CNTNAP2: variants seen among roughly 807,000 people sequenced by gnomAD.
The protein encoded by CNTNAP2 is contactin-associated protein-like 2.
Under a neutral mutation model 155.2 loss-of-function variants are expected in CNTNAP2, and 98 were observed. The observed-to-expected ratio is 0.63, with a 90% CI of 0.54 to 0.75. The LOEUF is 0.75. CNTNAP2 is among the 30% of genes least tolerant of loss of function. The pLI, the probability that CNTNAP2 is intolerant of heterozygous loss-of-function variation, is 0.00. For missense variants in CNTNAP2, 1,727 were observed against 1,688.1 expected (o/e 1.02, Z -0.40); for synonymous variants, 651 against 631.2 (o/e 1.03, Z -0.47).
At chr7:146,245,407 G>A (rs1384280005) in intron 1 of CNTNAP2, among the ~76,000 whole-genome samples, 4 of 152,166 alleles carry the variant, frequency 2.6e-5, no homozygotes, top group African/African-American at 9.7e-5. Flanking sequence ...AATGTAGAGA[G>A]TAAGTTGAGC....
At chr7:147,241,577 G>A (rs556360187) in intron 8 of CNTNAP2, among the ~76,000 whole-genome samples, 20 of 148,718 alleles carry the variant, frequency 1.3e-4, no homozygotes, top group Non-Finnish European at 2.7e-4. Context: ...GAAGTGAGCC[G>A]AGATCGTGCC....
chr7:147,242,359 C>T (rs1803957372), intron 8 of CNTNAP2, among the ~76,000 whole-genome samples: 1 of 152,186 alleles, frequency 6.6e-6, no homozygotes, highest in Admixed American at 6.5e-5. Flanking sequence ...AATATCATTG[C>T]TGTAGTCCAT....
At chr7:147,690,972 G>A (rs2116991625) in intron 13 of CNTNAP2, among the ~76,000 whole-genome samples, 1 of 152,138 alleles carries the variant, frequency 6.6e-6, no homozygotes, top group Middle Eastern at 3.4e-3. Flanking sequence ...ATATAGCGGT[G>A]AACTTGTGAC....
chr7:146,580,590 C>T (rs1798597401), intron 1 of CNTNAP2, among the ~76,000 whole-genome samples: 1 of 151,936 alleles, frequency 6.6e-6, no homozygotes, highest in Non-Finnish European at 1.5e-5. Context: ...TATTTTCTGC[C>T]TATTTCATTA....
intron 8 of CNTNAP2, among the ~76,000 whole-genome samples, chr7:147,238,941 G>A (rs1255285485): frequency 2.0e-5 from 3 of 152,096 alleles, no homozygotes; most frequent in Admixed American, 1.3e-4. Context: ...TCTTGCCCTA[G>A]GGTAGACCAC....
In CNTNAP2 at chr7:146,375,069, T is replaced by C. The variant is rs578131809; in HGVS notation, c.97+258096T>C. Among the ~76,000 whole-genome samples, 6 of 152,262 alleles carry C rather than the reference T, an allele frequency of 3.9e-5. No individual in the cohort carries two copies. The East Asian group carries it at 1.2e-3, about 29-fold the overall frequency. ...TGCCTTTGAAAGATACACTGGAAAA[T>C]TTATTTTTAAAACTTCACTTGTGTT... On this transcript the variant is annotated intron_variant, in intron 1 of 23. Coordinates refer to ENST00000361727, the MANE Select transcript of CNTNAP2 (RefSeq NM_014141.6).
chr7:148,015,417 C>A (rs1475212091), intron 15 of CNTNAP2, among the ~76,000 whole-genome samples: 1 of 152,152 alleles, frequency 6.6e-6, no homozygotes, highest in East Asian at 1.9e-4. Flanking sequence ...GTGGGCTCTG[C>A]TCCTAAATCC....
chr7:147,851,192 C>A (rs1361008041), intron 13 of CNTNAP2, among the ~76,000 whole-genome samples: 9 of 152,070 alleles, frequency 5.9e-5, no homozygotes, highest in African/African-American at 9.7e-5. Context: ...CACTGGCCAT[C>A]AGAGAAATGC....
intron 15 of CNTNAP2, among the ~76,000 whole-genome samples, chr7:148,087,762 A>G (rs546624278): frequency 6.6e-6 from 1 of 152,248 alleles, no homozygotes; most frequent in South Asian, 2.1e-4. Flanking sequence ...AATACTATTA[A>G]AGTCCAAAAT....
At chr7:146,901,870 C>CTTTTTTTTTTT (rs71165048) in intron 3 of CNTNAP2, among the ~76,000 whole-genome samples, 2 of 88,220 alleles carry the variant, frequency 2.3e-5, no homozygotes, top group African/African-American at 4.2e-5. Flanking sequence ...ATATATGCTC[C>CTTTTTTTTTTT]TTTTTTTTTT....
intron 1 of CNTNAP2, among the ~76,000 whole-genome samples, chr7:146,639,560 A>C (rs565992336): frequency 6.6e-6 from 1 of 152,304 alleles, no homozygotes; most frequent in East Asian, 1.9e-4. Context: ...ACTACCATTT[A>C]CTATGATACA....
Position 147,748,977 on chromosome 7 carries a change from T to G in CNTNAP2, c.2098+109671T>G, listed in dbSNP as rs116175485. Among the ~76,000 whole-genome samples, 926 of 152,096 alleles carry G rather than the reference T, an allele frequency of 6.1e-3. 4 individuals carry two copies. Among genetic ancestry groups the G allele is most frequent in the African/African-American group, 0.021 (882 of 41,478 alleles). On this transcript the variant is annotated intron_variant, in intron 13 of 23. Coordinates refer to ENST00000361727, the MANE Select transcript of CNTNAP2 (RefSeq NM_014141.6). ...CGTGGTTTATAGGACTGACAATGAG[T>G]GAGAATTAAGTGGAACCTTTTAGGT... is the stretch of plus-strand genomic sequence containing the variant.
At chr7:147,064,077 G>T (rs1799734197) in intron 4 of CNTNAP2, among the ~76,000 whole-genome samples, 1 of 151,990 alleles carries the variant, frequency 6.6e-6, no homozygotes, top group Non-Finnish European at 1.5e-5. Context: ...TTTAACAAAT[G>T]TCCTCTAGTG....
chr7:146,885,496 C>A (rs1035652395), intron 3 of CNTNAP2, among the ~76,000 whole-genome samples: 3 of 152,108 alleles, frequency 2.0e-5, no homozygotes, highest in African/African-American at 7.2e-5. Flanking sequence ...AAAATGCACA[C>A]ACGTTGGCAT....
chr7:148,346,854 A>G (rs936852049), intron 21 of CNTNAP2, among the ~76,000 whole-genome samples: 6 of 152,194 alleles, frequency 3.9e-5, no homozygotes, highest in African/African-American at 1.4e-4. Flanking sequence ...GAAAGATGCA[A>G]TAATACTAGA....
chr7:147,035,249 G>A (rs938093524), intron 3 of CNTNAP2, among the ~76,000 whole-genome samples: 1 of 152,204 alleles, frequency 6.6e-6, no homozygotes, highest in Non-Finnish European at 1.5e-5. Context: ...AATGAGCAGA[G>A]ACTCCAGGGG....
intron 1 of CNTNAP2, among the ~76,000 whole-genome samples, chr7:146,241,471 T>C (rs116405595): frequency 6.6e-6 from 1 of 152,182 alleles, no homozygotes; most frequent in Non-Finnish European, 1.5e-5. Flanking sequence ...GGCTGTTTGC[T>C]CATAGTAAAA....
chr7:146,209,888 C>T (rs1799007190), intron 1 of CNTNAP2, among the ~76,000 whole-genome samples: 3 of 152,000 alleles, frequency 2.0e-5, no homozygotes, highest in Admixed American at 6.6e-5. Flanking sequence ...GGATGCGTTG[C>T]GTGAGTTGTC....
At chr7:147,972,947 T>C (rs1224229954) in intron 14 of CNTNAP2, among the ~76,000 whole-genome samples, 1 of 151,886 alleles carries the variant, frequency 6.6e-6, no homozygotes, top group African/African-American at 2.4e-5. Flanking sequence ...AGCCAGGAGT[T>C]TGGGACCACT....
Sources: gnomAD v4.1 joint callset for allele counts (sites outside exome capture counted in the v4.1 genomes callset) on GRCh38, gnomAD v4.1.1 for gene constraint, MANE v1.5 for transcripts, NCBI Gene and HGNC (gene_info 2026-07-23, HGNC 2026-07-21) for gene names.